Variants in ADAM7 observed in about 807,000 individuals in gnomAD.
The protein encoded by ADAM7 is ADAM metallopeptidase domain 7, also known as disintegrin and metalloproteinase domain-containing protein 7.
A neutral mutation model predicts 102.9 loss-of-function variants in ADAM7; 97 were observed. That is an observed-to-expected ratio of 0.94 (90% CI 0.80 to 1.12). ADAM7 has a LOEUF of 1.12. Ranked by LOEUF, ADAM7 falls within the 50% of genes most tolerant of loss-of-function variation. The probability of loss-of-function intolerance (pLI) is 0.00; values close to 1 mark genes in which losing one functional copy is unlikely to be tolerated. For missense variants in ADAM7, 991 were observed against 908.7 expected (o/e 1.09, Z -1.16); for synonymous variants, 334 against 304.4 (o/e 1.10, Z -1.01).
intron 7 of ADAM7, among the ~76,000 whole-genome samples, chr8:24,473,340 T>C (rs934444656): frequency 2.0e-5 from 3 of 152,140 alleles, no homozygotes; most frequent in African/African-American, 7.2e-5. Context: ...TTGTGTCCAA[T>C]GGCTGGCTAG....
In ADAM7 at chr8:24,492,079, C is replaced by A. The variant is rs1342386541; in HGVS notation, c.1533C>A (p.Cys511Ter). Reference protein sequence around the residue: ...MGKCPTREDQCSELFDDEAIE... With the variant: ...MGKCPTREDQ Reference sequence around the variant, plus strand: ...AATGTCCAACTCGTGAGGATCAGTGCTCTGAACTATTTGATGATGGTGAGA... The same window carrying A: ...AATGTCCAACTCGTGAGGATCAGTGATCTGAACTATTTGATGATGGTGAGA... The change falls in exon 14 of 22, where the codon TGC becomes TGA. Residue 511 changes from cysteine to a stop codon, truncating the protein, a stop_gained. Transcript: ENST00000175238. LOFTEE classifies it high-confidence loss of function. 2 of 1,612,690 alleles carry A rather than the reference C, an allele frequency of 1.2e-6. No homozygotes were observed. The highest frequency in any genetic ancestry group is 1.7e-6 in the Non-Finnish European group (2 of 1,179,442).
chr8:24,466,229 TG>T (rs1411034178), intron 5 of ADAM7, among the ~76,000 whole-genome samples: 1 of 152,192 alleles, frequency 6.6e-6, no homozygotes, highest in Non-Finnish European at 1.5e-5. Context: ...TGCAGCCTCT[TG>T]AAAGTAAAAA....
chr8:24,460,347 T>C (rs946807009), intron 3 of ADAM7, among the ~76,000 whole-genome samples: 3 of 152,102 alleles, frequency 2.0e-5, no homozygotes, highest in Non-Finnish European at 4.4e-5. Flanking sequence ...GTTAATGTTA[T>C]TATTTTTTAA....
chr8:24,449,644 T>C lies in ADAM7; in HGVS notation c.233+2382T>C, dbSNP rs1222751829. ...AGTTTCTTTTGCTGTGCAGAAGCTC[T>C]TTAGTTTAATTAGATCCCATTTGTC... On this transcript the variant is annotated intron_variant, in intron 3 of 21. Transcript: ENST00000175238. 3.3e-5 allele frequency among the ~76,000 whole-genome samples: 5 copies of C among 152,298 alleles called. No individual in the cohort carries two copies. The East Asian group carries it at 9.6e-4, about 29-fold the overall frequency.
chr8:24,501,002 T>A, intron 19 of ADAM7, 107 bp downstream of exon 19: 1 of 901,126 alleles, frequency 1.1e-6, no homozygotes, highest in East Asian at 2.5e-5. Context: ...AGCTTCTTAC[T>A]GAAGATCAGG....
intron 3 of ADAM7, among the ~76,000 whole-genome samples, chr8:24,448,452 C>A (rs1193867370): frequency 6.6e-6 from 1 of 152,116 alleles, no homozygotes; most frequent in African/African-American, 2.4e-5. Flanking sequence ...CTGTAATAGG[C>A]AACACTGCCT....
At chr8:24,480,479 AC>A (rs1240564405) in intron 8 of ADAM7, among the ~76,000 whole-genome samples, 3 of 152,036 alleles carry the variant, frequency 2.0e-5, no homozygotes, top group African/African-American at 7.2e-5. Flanking sequence ...TTGTTTCCCT[AC>A]TATAAAGAGC....
chr8:24,459,199 G>A (rs535205461), intron 3 of ADAM7, among the ~76,000 whole-genome samples: 1 of 151,632 alleles, frequency 6.6e-6, no homozygotes, highest in East Asian at 1.9e-4. Flanking sequence ...ACTTATAAGG[G>A]GTTATTCAAA....
chr8:24,448,347 C>A (rs1818643975), intron 3 of ADAM7, among the ~76,000 whole-genome samples: 1 of 152,124 alleles, frequency 6.6e-6, no homozygotes, highest in South Asian at 2.1e-4. Context: ...GAGTCAATTT[C>A]ATTGTATTAG....
intron 16 of ADAM7, among the ~76,000 whole-genome samples, chr8:24,495,659 G>A (rs1199666111): frequency 2.0e-5 from 3 of 152,182 alleles, no homozygotes; most frequent in Non-Finnish European, 4.4e-5. Flanking sequence ...CTCTTGTTAT[G>A]TTTTAGCAAA....
At chr8:24,472,170 G>A (rs1197567605) in intron 7 of ADAM7, among the ~76,000 whole-genome samples, 1 of 146,556 alleles carries the variant, frequency 6.8e-6, no homozygotes, top group African/African-American at 2.5e-5. Flanking sequence ...GTATTTTTTA[G>A]CTCCTCTCCA....
In ADAM7 at chr8:24,477,636, A is replaced by G. The variant is rs371016670; in HGVS notation, c.705+1132A>G. On this transcript the variant is annotated intron_variant, in intron 8 of 21. Transcript: ENST00000175238. ...ATTCTCTGAACTTCTGGGATCTGTGATTTGCTGTTTTATACTATTTTTAAA... is the reference window on the plus strand; with the variant it reads ...ATTCTCTGAACTTCTGGGATCTGTGGTTTGCTGTTTTATACTATTTTTAAA... Among the ~76,000 whole-genome samples, 4 of 149,240 alleles carry G rather than the reference A, an allele frequency of 2.7e-5. No individual in the cohort carries two copies. The South Asian group carries it at 6.3e-4, about 24-fold the overall frequency.
At chr8:24,442,663 G>C (rs1380646789) in intron 2 of ADAM7, 87 bp downstream of exon 2, 4 of 1,071,000 alleles carry the variant, frequency 3.7e-6, no homozygotes, top group Admixed American at 3.5e-5. Flanking sequence ...AGCAAATAGG[G>C]AGAGAGGAGT....
intron 3 of ADAM7, among the ~76,000 whole-genome samples, chr8:24,457,863 A>AGT (rs58099346): frequency 0.22 from 31,821 of 147,678 alleles, 3,705 homozygotes; most frequent in East Asian, 0.34. Flanking sequence ...TATGTGTGTG[A>AGT]GTGTGTGTGT....
intron 11 of ADAM7, 116 bp downstream of exon 11, chr8:24,487,433 G>C (rs928350222): frequency 2.3e-4 from 304 of 1,302,212 alleles, no homozygotes; most frequent in Non-Finnish European, 2.9e-4. Context: ...GATCACCTGA[G>C]GTCAGGAGTT....
intron 21 of ADAM7, 108 bp downstream of exon 21, chr8:24,507,643 A>G: frequency 2.4e-6 from 2 of 850,970 alleles, no homozygotes; most frequent in Non-Finnish European, 1.8e-6. Context: ...CTCTGTACTT[A>G]TCACAACAGA....
chr8:24,500,066 G>A (rs1041488867), intron 17 of ADAM7, 112 bp from the exon 18 acceptor site: 40 of 772,144 alleles, frequency 5.2e-5, no homozygotes, highest in Non-Finnish European at 6.6e-5. Context: ...AAAAGTTCGC[G>A]CTTGTGCTTG....
At chr8:24,445,580 A>G (rs1818526566) in intron 2 of ADAM7, among the ~76,000 whole-genome samples, 1 of 152,194 alleles carries the variant, frequency 6.6e-6, no homozygotes, top group South Asian at 2.1e-4. Context: ...CCTCTGCTCA[A>G]ATCATCTGCA....
chr8:24,453,140 C>T (rs1818865215), intron 3 of ADAM7, among the ~76,000 whole-genome samples: 1 of 151,904 alleles, frequency 6.6e-6, no homozygotes, highest in Admixed American at 6.6e-5. Context: ...TGGAGTTGCT[C>T]TTCTCGAGGA....
Sources: gnomAD v4.1 joint callset for allele counts (sites outside exome capture counted in the v4.1 genomes callset) on GRCh38, gnomAD v4.1.1 for gene constraint, MANE v1.5 for transcripts, NCBI Gene and HGNC (gene_info 2026-07-23, HGNC 2026-07-21) for gene names.